Variants in PDK2 observed in about 807,000 individuals in gnomAD.
The protein encoded by PDK2 is pyruvate dehydrogenase kinase 2.
Under a neutral mutation model 50.4 loss-of-function variants are expected in PDK2, and 34 were observed. The observed-to-expected ratio is 0.68, with a 90% CI of 0.51 to 0.90. The LOEUF is 0.90. Ranked by LOEUF, PDK2 falls within the 40% of genes least tolerant of loss-of-function variation. PDK2 has a pLI of 0.00. For missense variants in PDK2, 377 were observed against 544.5 expected (o/e 0.69, Z 3.06); for synonymous variants, 232 against 216.0 (o/e 1.07, Z -0.65).
Position 50,110,253 on chromosome 17 carries a change from A to G in PDK2, c.*156A>G. 1.3e-6 allele frequency: 1 copy of G among 760,218 alleles called. No homozygotes were observed. The highest frequency in any genetic ancestry group is 2.5e-5 in the South Asian group (1 of 40,700). 47.1% of individuals were successfully genotyped at this position (760,218 alleles called of 1,614,324 possible). ...AAGTCACTGCGGTGATAGGTCTGTG[A>G]TGGTCCCTAAGTGCCAGTCCATCTC... is the stretch of plus-strand genomic sequence containing the variant. On this transcript the variant is annotated 3_prime_UTR_variant, in exon 11 of 11. Coordinates refer to ENST00000503176, the MANE Select transcript of PDK2 (RefSeq NM_002611.5).
At chr17:50,106,109 G>A (rs770346659) in intron 4 of PDK2, 40 bp downstream of exon 4, 1 of 1,557,872 alleles carries the variant, frequency 6.4e-7, no homozygotes, top group African/African-American at 1.4e-5. Flanking sequence ...GGCGGTGGGG[G>A]GGGCGGTGCT....
At chr17:50,095,268 AG>A (rs368650848), upstream of PDK2, 179 of 565,740 alleles carry the variant, frequency 3.2e-4, 1 homozygote, top group African/African-American at 3.1e-3. Flanking sequence ...GTTGTTTGTG[AG>A]TGGCCATTGG....
At position 50,109,695 on chromosome 17, in the gene PDK2, T is replaced by A. The variant is rs187772435; in HGVS notation, c.1084-262T>A. ...GGACACCCTAGGTCTTGCCATTCAG[T>A]TCAGAGGAGAAGACTGAGGCCCGGA... On this transcript the variant is annotated intron_variant, in intron 10 of 10. Transcript: ENST00000503176. The surrounding 1 kb of genome is among the most constrained non-coding windows in gnomAD (Gnocchi z 5.0). Among the ~76,000 whole-genome samples, 8 of 152,212 alleles carry A rather than the reference T, an allele frequency of 5.3e-5. No individual in the cohort carries two copies. Among genetic ancestry groups the A allele is most frequent in the Middle Eastern group, 3.4e-3 (1 of 294 alleles).
At chr17:50,106,719 G>T (rs1910534627) in intron 4 of PDK2, 75 bp from the exon 5 acceptor site, 1 of 1,259,266 alleles carries the variant, frequency 7.9e-7, no homozygotes, top group Non-Finnish European at 1.2e-6. Flanking sequence ...AGAAAGAGGA[G>T]GAAAGCCCGG....
chr17:50,095,629 C>T (rs1909894490), intron 1 of PDK2, 76 bp downstream of exon 1: 3 of 1,499,576 alleles, frequency 2.0e-6, no homozygotes, highest in Admixed American at 4.2e-5. Context: ...GCTAGGGGGA[C>T]GGAGGAGAAG....
chr17:50,101,572 C>A lies in PDK2; in HGVS notation c.261-3799C>A, dbSNP rs1910233009. 6.6e-6 allele frequency among the ~76,000 whole-genome samples: 1 copy of A among 150,580 alleles called. No individual in the cohort carries two copies. The highest frequency in any genetic ancestry group is 1.5e-5 in the Non-Finnish European group (1 of 68,004). ...CAGCTGTGGATACGAGTGCACAGGG[C>A]ACACCCTCGCACACACCCACAGGCA... is the stretch of plus-strand genomic sequence containing the variant. On this transcript the variant is annotated intron_variant, in intron 2 of 10. Coordinates refer to ENST00000503176, the MANE Select transcript of PDK2 (RefSeq NM_002611.5). The surrounding 1 kb of genome is among the most constrained non-coding windows in gnomAD (Gnocchi z 4.2).
chr17:50,095,926 A>T, intron 1 of PDK2: 3 of 538,622 alleles, frequency 5.6e-6, no homozygotes, highest in Non-Finnish European at 7.3e-6. Flanking sequence ...CCCTCCTCCC[A>T]CCAGAGGAAA....
At chr17:50,108,446 G>A (rs1910637914) in intron 8 of PDK2, 29 bp downstream of exon 8, 3 of 1,566,706 alleles carry the variant, frequency 1.9e-6, no homozygotes, top group African/African-American at 1.4e-5. Context: ...TTGGGGACCA[G>A]GGAGCAGTAG....
chr17:50,110,200 C>A lies in PDK2; in HGVS notation c.*103C>A, dbSNP rs1408873778. On this transcript the variant is annotated 3_prime_UTR_variant, in exon 11 of 11. Coordinates refer to ENST00000503176, the MANE Select transcript of PDK2 (RefSeq NM_002611.5). ...CCTGGGGGAGCAGGGGGTGGGTTCT[C>A]CCTGATGACCAGGTTCTGTCTCTAT... 3.1e-6 allele frequency: 4 copies of A among 1,274,928 alleles called. No individual in the cohort carries two copies. The highest frequency in any genetic ancestry group is 4.2e-6 in the Non-Finnish European group (4 of 942,426). The allele number at this position is 1,274,928 out of a possible 1,614,324, so 79.0% of individuals were successfully genotyped here.
At chr17:50,099,429 A>G (rs1910104792) in intron 2 of PDK2, among the ~76,000 whole-genome samples, 1 of 152,220 alleles carries the variant, frequency 6.6e-6, no homozygotes, top group Non-Finnish European at 1.5e-5. Context: ...TCTTCCGCAA[A>G]GCTTGCAAGT....
rs747089666 is a variant in PDK2, at chr17:50,110,034, G to A, written c.1161G>A (p.Glu387=). Residue 387 remains glutamate, a synonymous_variant, in exon 11 of 11, where the codon GAG becomes GAA. Coordinates refer to ENST00000503176, the MANE Select transcript of PDK2 (RefSeq NM_002611.5). ...GGCGCCACTACCAGACCATCCAGGAGGCCGGCGACTGGTGTGTGCCCAGCA... is the reference window on the plus strand; with the variant it reads ...GGCGCCACTACCAGACCATCCAGGAAGCCGGCGACTGGTGTGTGCCCAGCA... ...SAWRHYQTIQ[E]AGDWCVPSTE... 6.2e-7 allele frequency: 1 copy of A among 1,610,472 alleles called. No homozygotes were observed. Among genetic ancestry groups the A allele is most frequent in the Non-Finnish European group, 8.5e-7 (1 of 1,178,670 alleles).
chr17:50,107,110 G>GT lies in PDK2; in HGVS notation c.643dup (p.Tyr215LeufsTer7). On this transcript the variant is annotated frameshift_variant, in exon 6 of 11. Coordinates refer to ENST00000503176, the MANE Select transcript of PDK2 (RefSeq NM_002611.5). LOFTEE classifies it high-confidence loss of function. ...ACATGGCTAAGCTCCTGTGTGACAAGTATTACATGGCCTCACCTGACCTGG... is the reference window on the plus strand; with the variant it reads ...ACATGGCTAAGCTCCTGTGTGACAAGTTATTACATGGCCTCACCTGACCTGG... The GT allele has an allele frequency of 6.2e-7, 1 of 1,614,166 alleles. No individual in the cohort carries two copies. The highest frequency in any genetic ancestry group is 8.5e-7 in the Non-Finnish European group (1 of 1,180,030).
chr17:50,102,381 C>A (rs1188909451), intron 2 of PDK2, among the ~76,000 whole-genome samples: 2 of 152,210 alleles, frequency 1.3e-5, no homozygotes, highest in African/African-American at 4.8e-5. Context: ...TGAGCAGCCA[C>A]AAAAGGGGTG....
rs1366310118 is a variant in PDK2 at position 50,097,574 on chromosome 17, C to T, written c.260+10C>T. On this transcript the variant is annotated intron_variant, in intron 2 of 10. Transcript: ENST00000503176. The stretch of plus-strand genomic sequence containing the variant: ...AGCTGGTGCAGAGCTGGTGAGACCC[C>T]TGGCTCAGTCCCTGCACCTCCCACT... 7 of 1,611,734 alleles carry T rather than the reference C, an allele frequency of 4.3e-6. No homozygotes were observed. Among genetic ancestry groups the T allele is most frequent in the Non-Finnish European group, 5.9e-6 (7 of 1,179,934 alleles).
At chr17:50,105,237 T>C (rs1281076554) in intron 2 of PDK2, 134 bp from the exon 3 acceptor site, 3 of 506,252 alleles carry the variant, frequency 5.9e-6, no homozygotes, top group African/African-American at 4.0e-5. Flanking sequence ...AGAAAAATAG[T>C]GAGGCGGCTT....
rs373542315 is a variant in PDK2 at position 50,109,108 on chromosome 17, C to G, written c.970-179C>G. 1.1e-4 allele frequency among the ~76,000 whole-genome samples: 17 copies of G among 152,150 alleles called. No homozygotes were observed. The highest frequency in any genetic ancestry group is 3.9e-4 in the African/African-American group (16 of 41,500). ...GCCTCCCTCCCGCATTCATGATTGC[C>G]CCATTCACCCCACACACACTTCTTA... On this transcript the variant is annotated intron_variant, in intron 9 of 10. Transcript: ENST00000503176. This position sits in a 1 kb window ranked among gnomAD's most constrained non-coding sequence, Gnocchi z 5.0.
chr17:50,105,850 G>A, intron 3 of PDK2, 35 bp from the exon 4 acceptor site: 1 of 1,605,184 alleles, frequency 6.2e-7, no homozygotes, highest in Non-Finnish European at 8.5e-7. Flanking sequence ...AAGAGTCTGG[G>A]GGTGTCCCAT....
chr17:50,102,860 G>A (rs9914013), intron 2 of PDK2, among the ~76,000 whole-genome samples: 29,357 of 152,122 alleles, frequency 0.19, 3,198 homozygotes, highest in East Asian at 0.39. Flanking sequence ...CATCAGCAGC[G>A]GCATCACCGT....
intron 2 of PDK2, among the ~76,000 whole-genome samples, chr17:50,100,090 G>A (rs916101040): frequency 2.0e-4 from 30 of 152,218 alleles, no homozygotes; most frequent in Non-Finnish European, 3.2e-4. Context: ...AGGGAGCTTG[G>A]CAAGAGGGCC....
Sources: allele counts gnomAD v4.1 joint callset (sites outside exome capture counted in the v4.1 genomes callset), GRCh38; gene constraint gnomAD v4.1.1; non-coding constraint Gnocchi (gnomAD v3.1); transcripts MANE v1.5; gene names NCBI Gene and HGNC (gene_info 2026-07-23, HGNC 2026-07-21).